Variants in OXNAD1 observed in about 807,000 individuals in gnomAD.
OXNAD1 encodes oxidoreductase NAD-binding domain-containing protein 1.
Under a neutral mutation model 32.9 loss-of-function variants are expected in OXNAD1, and 34 were observed. The ratio of observed to expected loss-of-function variants is 1.03; its 90% CI spans 0.79 to 1.38. OXNAD1 has a LOEUF of 1.38. OXNAD1 is among the 40% of genes most tolerant of loss of function. The pLI, the probability that OXNAD1 is intolerant of heterozygous loss-of-function variation, is 0.00. For missense variants in OXNAD1, 407 were observed against 379.4 expected, an observed-to-expected ratio of 1.07 and a Z score of -0.60; for synonymous variants, 134 against 135.2, an observed-to-expected ratio of 0.99 and a Z score of 0.06.
chr3:16,294,681 A>C (rs1221935981), intron 5 of OXNAD1, among the ~76,000 whole-genome samples, 175 bp from the exon 6 acceptor site: 1 of 152,188 alleles, frequency 6.6e-6, no homozygotes, highest in Non-Finnish European at 1.5e-5. Context: ...ATAGTTGTTC[A>C]TGGAATTCCT....
chr3:16,333,377 A>G (rs1233584302), intron 9 of OXNAD1, among the ~76,000 whole-genome samples: 6 of 152,250 alleles, frequency 3.9e-5, no homozygotes, highest in Non-Finnish European at 4.4e-5. Flanking sequence ...AAATGGCCAC[A>G]AAATGCCATT....
In OXNAD1 at chr3:16,314,312, A is replaced by C. The variant is rs761998358; in HGVS notation, c.*30+10720A>C. 20 of 152,150 alleles carry C rather than the reference A, an allele frequency of 1.3e-4. No homozygotes were observed. Among genetic ancestry groups the C allele is most frequent in the Non-Finnish European group, 2.6e-4 (18 of 68,020 alleles). 9.4% of individuals were successfully genotyped at this position (152,150 alleles called of 1,614,324 possible). A position where few individuals can be genotyped will look rare whatever the true frequency, so the allele number is the denominator to read the frequency against. On this transcript the variant is annotated intron_variant, in intron 9 of 9. Coordinates refer to the OXNAD1 transcript ENST00000435829. The surrounding 1 kb of genome is among the most constrained non-coding windows in gnomAD (Gnocchi z 4.4). Reference sequence around the variant, plus strand: ...CCTCCACTTGAAATGTACATGCAGGATGTTGAGAATGGATTTTAGGGCCTT... The same window carrying C: ...CCTCCACTTGAAATGTACATGCAGGCTGTTGAGAATGGATTTTAGGGCCTT...
intron 5 of OXNAD1, among the ~76,000 whole-genome samples, chr3:16,293,021 A>G (rs947402081): frequency 2.0e-5 from 3 of 152,312 alleles, no homozygotes; most frequent in Admixed American, 1.3e-4. Context: ...TCAAATTTCC[A>G]TATGAATTTT....
At position 16,313,205 on chromosome 3, in the gene OXNAD1, A is replaced by ATTTTTTTTT. The variant is rs750491540; in HGVS notation, c.*30+9623_*30+9631dup. Among the ~76,000 whole-genome samples, 7 of 103,810 alleles carry ATTTTTTTTT rather than the reference A, an allele frequency of 6.7e-5. 1 individual carries two copies. The highest frequency in any genetic ancestry group is 5.1e-4 in the East Asian group (2 of 3,914). The allele number at this position is 103,810 out of a possible 152,430, so 68.1% of individuals were successfully genotyped here. A position where few individuals can be genotyped will look rare whatever the true frequency, so the allele number is the denominator to read the frequency against. ...GTACATGTACCACCACACCCAGCGGATTTTTTTTTTTTTTTTTTGCAGAGG... is the reference window on the plus strand; with the variant it reads ...GTACATGTACCACCACACCCAGCGGATTTTTTTTTTTTTTTTTTTTTTTTTTTGCAGAGG... On this transcript the variant is annotated intron_variant, in intron 9 of 9. Coordinates refer to the OXNAD1 transcript ENST00000435829.
rs1448822872 is a variant in OXNAD1 at position 16,271,906 on chromosome 3, A to T, written c.183+184A>T. 6.6e-6 allele frequency among the ~76,000 whole-genome samples: 1 copy of T among 152,160 alleles called. No individual in the cohort carries two copies. The highest frequency in any genetic ancestry group is 1.5e-5 in the Non-Finnish European group (1 of 68,018). On this transcript the variant is annotated intron_variant, in intron 4 of 8. Coordinates refer to ENST00000285083, the MANE Select transcript of OXNAD1 (RefSeq NM_138381.5). This position sits in a 1 kb window ranked among gnomAD's most constrained non-coding sequence, Gnocchi z 4.6. Reference sequence around the variant, plus strand: ...GATATCTGATTTGAAAAGATGACAGATACTCAAATTTTTCCCTTTAAACTT... The same window carrying T: ...GATATCTGATTTGAAAAGATGACAGTTACTCAAATTTTTCCCTTTAAACTT...
Position 16,314,068 on chromosome 3 carries a change from C to G in OXNAD1, c.*30+10476C>G, listed in dbSNP as rs537382315. Reference sequence around the variant, plus strand: ...TCGTAGGAATGCCACATTTCAATCACCTGATAACCACCTGATCACAGTGGG... The same window carrying G: ...TCGTAGGAATGCCACATTTCAATCAGCTGATAACCACCTGATCACAGTGGG... On this transcript the variant is annotated intron_variant, in intron 9 of 9. Transcript: ENST00000435829. The surrounding 1 kb of genome is among the most constrained non-coding windows in gnomAD (Gnocchi z 4.4). 6.6e-6 allele frequency among the ~76,000 whole-genome samples: 1 copy of G among 152,002 alleles called. No homozygotes were observed. The highest frequency in any genetic ancestry group is 1.5e-5 in the Non-Finnish European group (1 of 67,982).
At chr3:16,343,198 C>T (rs2071424940) in intron 9 of OXNAD1, among the ~76,000 whole-genome samples, 1 of 152,160 alleles carries the variant, frequency 6.6e-6, no homozygotes, top group Non-Finnish European at 1.5e-5. Flanking sequence ...GGTTTGGGAA[C>T]CACTGCGCTA....
intron 6 of OXNAD1, among the ~76,000 whole-genome samples, chr3:16,295,549 A>G (rs17042083): frequency 0.044 from 6,706 of 152,246 alleles, 462 homozygotes; most frequent in African/African-American, 0.15. Flanking sequence ...GCTCAACACA[A>G]TCCTACAGAA....
chr3:16,321,786 T>C lies in OXNAD1; in HGVS notation c.*31-15326T>C, dbSNP rs1268742874. Among the ~76,000 whole-genome samples the C allele has an allele frequency of 6.6e-6, 1 of 152,192 alleles. No homozygotes were observed. The highest frequency in any genetic ancestry group is 1.9e-4 in the East Asian group (1 of 5,196). On this transcript the variant is annotated intron_variant, in intron 9 of 9. Transcript: ENST00000435829. This position sits in a 1 kb window ranked among gnomAD's most constrained non-coding sequence, Gnocchi z 4.8. Reference sequence around the variant, plus strand: ...CTGACTGAAAAAACAGTGGGTCCCATCCTCTCTGAATTTTCCCTGAGGAGA... The same window carrying C: ...CTGACTGAAAAAACAGTGGGTCCCACCCTCTCTGAATTTTCCCTGAGGAGA...
chr3:16,307,223 T>TTTGA (rs1211151547), downstream of OXNAD1, among the ~76,000 whole-genome samples: 2 of 152,222 alleles, frequency 1.3e-5, no homozygotes, highest in Non-Finnish European at 2.9e-5. Context: ...TTTTTATACA[T>TTTGA]TTGATTGTTT....
Position 16,302,863 on chromosome 3 carries a change from T to G in OXNAD1, c.784+115T>G. ...GCTGCTGGCTGGGAATGTCACTATC[T>G]GGGGAATTGGGATGATTCCTCATGG... On this transcript the variant is annotated intron_variant, in intron 8 of 8. Transcript: ENST00000285083. The surrounding 1 kb of genome is among the most constrained non-coding windows in gnomAD (Gnocchi z 4.2). 1 of 781,830 alleles carries G rather than the reference T, an allele frequency of 1.3e-6. No individual in the cohort carries two copies. The highest frequency in any genetic ancestry group is 2.1e-6 in the Non-Finnish European group (1 of 465,746). 48.4% of individuals were successfully genotyped at this position (781,830 alleles called of 1,614,324 possible). A position where few individuals can be genotyped will look rare whatever the true frequency, so the allele number is the denominator to read the frequency against.
Position 16,316,779 on chromosome 3 carries a change from T to G in OXNAD1, c.*30+13187T>G. 6.2e-7 allele frequency: 1 copy of G among 1,608,754 alleles called. No homozygotes were observed. Among genetic ancestry groups the G allele is most frequent in the Non-Finnish European group, 8.5e-7 (1 of 1,177,032 alleles). ...GCCCCCAAACCAGCTGTTGGTAAGATGCCTTGGGTTTGGCAACTCACCTAG... is the reference window on the plus strand; with the variant it reads ...GCCCCCAAACCAGCTGTTGGTAAGAGGCCTTGGGTTTGGCAACTCACCTAG... On this transcript the variant is annotated intron_variant, in intron 9 of 9. Coordinates refer to the OXNAD1 transcript ENST00000435829. This position sits in a 1 kb window ranked among gnomAD's most constrained non-coding sequence, Gnocchi z 4.5.
rs529456464 is a variant in OXNAD1, at chr3:16,321,173, G to A, written c.*31-15939G>A. ...TGGCCAGGTGGGCGAGGTATGGGGAGGGGGACAGTCATAGGTTTCCTCGAG... is the reference window on the plus strand; with the variant it reads ...TGGCCAGGTGGGCGAGGTATGGGGAAGGGGACAGTCATAGGTTTCCTCGAG... On this transcript the variant is annotated intron_variant, in intron 9 of 9. Transcript: ENST00000435829. This position sits in a 1 kb window ranked among gnomAD's most constrained non-coding sequence, Gnocchi z 4.8. Among the ~76,000 whole-genome samples the A allele has an allele frequency of 6.6e-6, 1 of 152,140 alleles. No homozygotes were observed. Among genetic ancestry groups the A allele is most frequent in the Non-Finnish European group, 1.5e-5 (1 of 68,016 alleles).
chr3:16,317,263 C>G lies in OXNAD1; in HGVS notation c.*30+13671C>G. 2 of 1,605,116 alleles carry G rather than the reference C, an allele frequency of 1.2e-6. No homozygotes were observed. Among genetic ancestry groups the G allele is most frequent in the Non-Finnish European group, 1.7e-6 (2 of 1,179,230 alleles). On this transcript the variant is annotated intron_variant, in intron 9 of 9. Transcript: ENST00000435829. The surrounding 1 kb of genome is among the most constrained non-coding windows in gnomAD (Gnocchi z 4.3). ...AATCAGAAAGGATGGGGATAAATAA[C>G]AAGCCTCCGGGAACCCAGAGCTTCA...
chr3:16,333,805 A>G (rs1357362430), intron 9 of OXNAD1, among the ~76,000 whole-genome samples: 1 of 152,230 alleles, frequency 6.6e-6, no homozygotes, highest in East Asian at 1.9e-4. Context: ...ATGAAGAGAG[A>G]TCACAGAAGA....
rs1474613250 is a variant in OXNAD1 at position 16,302,792 on chromosome 3, T to C, written c.784+44T>C. On this transcript the variant is annotated intron_variant, in intron 8 of 8. Transcript: ENST00000285083. The surrounding 1 kb of genome is among the most constrained non-coding windows in gnomAD (Gnocchi z 4.2). ...TTTTGACTATCTCCATGCAGTTATTTGATGGACACACCAGTTGGTTGAGCG... is the reference window on the plus strand; with the variant it reads ...TTTTGACTATCTCCATGCAGTTATTCGATGGACACACCAGTTGGTTGAGCG... The C allele has an allele frequency of 2.8e-6, 4 of 1,413,576 alleles. No individual in the cohort carries two copies. The highest frequency in any genetic ancestry group is 4.0e-6 in the Non-Finnish European group (4 of 1,005,876). 87.6% of individuals were successfully genotyped at this position (1,413,576 alleles called of 1,614,324 possible).
rs368475821 is a variant in OXNAD1 at position 16,327,654 on chromosome 3, G to C, written c.*31-9458G>C. Among the ~76,000 whole-genome samples the C allele has an allele frequency of 1.3e-5, 2 of 152,014 alleles. No individual in the cohort carries two copies. Among genetic ancestry groups the C allele is most frequent in the African/African-American group, 4.8e-5 (2 of 41,394 alleles). ...CGGGCGCCTGTAGTCCCAGCTACTC[G>C]GGAGGCTGAGGCAGGAGAATGGCGT... is the stretch of plus-strand genomic sequence containing the variant. On this transcript the variant is annotated intron_variant, in intron 9 of 9. Transcript: ENST00000435829. The surrounding 1 kb of genome is among the most constrained non-coding windows in gnomAD (Gnocchi z 4.2).
At chr3:16,350,611 G>A (rs1414730211), downstream of OXNAD1, among the ~76,000 whole-genome samples, 4 of 152,050 alleles carry the variant, frequency 2.6e-5, no homozygotes, top group African/African-American at 7.2e-5. Flanking sequence ...TACTGAAGGC[G>A]CTGCTAAAGT....
chr3:16,311,902 C>T (rs1296249324), intron 9 of OXNAD1, among the ~76,000 whole-genome samples: 1 of 152,224 alleles, frequency 6.6e-6, no homozygotes, highest in African/African-American at 2.4e-5. Flanking sequence ...CTTCTCAGCA[C>T]CTAGCACAGT....
Sources: allele counts gnomAD v4.1 joint callset (sites outside exome capture counted in the v4.1 genomes callset), GRCh38; gene constraint gnomAD v4.1.1; non-coding constraint Gnocchi (gnomAD v3.1); transcripts MANE v1.5; gene names NCBI Gene and HGNC (gene_info 2026-07-23, HGNC 2026-07-21).